CSMD1: variants seen among roughly 807,000 people sequenced by gnomAD.
CSMD1 encodes CUB and Sushi multiple domains 1.
A neutral mutation model predicts 417.5 loss-of-function variants in CSMD1; 213 were observed. The ratio of observed to expected loss-of-function variants is 0.51; its 90% CI spans 0.46 to 0.57. The LOEUF is 0.57. CSMD1 is among the 20% of genes least tolerant of loss of function. The probability of loss-of-function intolerance (pLI) is 0.00; values close to 1 mark genes in which losing one functional copy is unlikely to be tolerated. For synonymous variants in CSMD1, 2,862 were observed against 1,736.8 expected, an observed-to-expected ratio of 1.65 and a Z score of -16.11; for missense variants, 6,923 against 4,529.7, an observed-to-expected ratio of 1.53 and a Z score of -15.17.
At chr8:4,780,977 CTCAA>C (rs1306981022) in intron 1 of CSMD1, among the ~76,000 whole-genome samples, 1 of 152,192 alleles carries the variant, frequency 6.6e-6, no homozygotes, top group African/African-American at 2.4e-5. Flanking sequence ...GTCACTATCT[CTCAA>C]TCAAAGGTCA....
intron 1 of CSMD1, among the ~76,000 whole-genome samples, chr8:4,776,645 G>T (rs1290849119): frequency 6.6e-6 from 1 of 152,150 alleles, no homozygotes; most frequent in Non-Finnish European, 1.5e-5. Flanking sequence ...AAATAGGGGG[G>T]TTGTGAACTG....
At chr8:4,167,230 G>C (rs1241449699) in intron 3 of CSMD1, among the ~76,000 whole-genome samples, 1 of 152,062 alleles carries the variant, frequency 6.6e-6, no homozygotes, top group Non-Finnish European at 1.5e-5. Flanking sequence ...CTGATTTTAG[G>C]GAAGGAGTGT....
intron 3 of CSMD1, among the ~76,000 whole-genome samples, chr8:4,080,031 G>A (rs768990820): frequency 6.6e-6 from 1 of 151,570 alleles, no homozygotes; most frequent in Non-Finnish European, 1.5e-5. Context: ...ATATCAAAAG[G>A]GTGGTGAGTG....
chr8:3,041,286 GC>G (rs1378651195), intron 50 of CSMD1, among the ~76,000 whole-genome samples: 1 of 152,034 alleles, frequency 6.6e-6, no homozygotes, highest in East Asian at 1.9e-4. Flanking sequence ...CCCGTAAAAT[GC>G]ATTTTTTCTT....
intron 1 of CSMD1, among the ~76,000 whole-genome samples, chr8:4,829,227 A>T (rs909100239): frequency 6.6e-6 from 1 of 152,160 alleles, no homozygotes; most frequent in Non-Finnish European, 1.5e-5. Context: ...TTTAGATGAG[A>T]ATTTTAAAAC....
chr8:4,562,595 T>C (rs978532743), intron 2 of CSMD1, among the ~76,000 whole-genome samples: 5 of 151,980 alleles, frequency 3.3e-5, no homozygotes, highest in African/African-American at 7.3e-5. Flanking sequence ...TGAAATAATA[T>C]CTTTAAAAAT....
At chr8:3,076,152 A>C (rs1813664721) in intron 49 of CSMD1, among the ~76,000 whole-genome samples, 1 of 152,236 alleles carries the variant, frequency 6.6e-6, no homozygotes, top group Admixed American at 6.5e-5. Flanking sequence ...CCACAGAACA[A>C]CAGAAATGGA....
chr8:3,183,997 A>G (rs1821595847), intron 36 of CSMD1, among the ~76,000 whole-genome samples: 1 of 152,196 alleles, frequency 6.6e-6, no homozygotes, highest in African/African-American at 2.4e-5. Context: ...ACAAATGTAT[A>G]TATGATGAGA....
At chr8:3,241,136 G>A (rs1479268585) in intron 26 of CSMD1, among the ~76,000 whole-genome samples, 2 of 151,724 alleles carry the variant, frequency 1.3e-5, no homozygotes, top group African/African-American at 2.4e-5. Flanking sequence ...AGATGTAGCT[G>A]TAGTCCAGGA....
At chr8:3,141,726 C>T (rs1305603019) in intron 41 of CSMD1, among the ~76,000 whole-genome samples, 2 of 152,072 alleles carry the variant, frequency 1.3e-5, no homozygotes, top group Non-Finnish European at 2.9e-5. Context: ...AACTCACTTC[C>T]GCCCCCTGTG....
chr8:4,553,491 A>T (rs1797958306), intron 2 of CSMD1, among the ~76,000 whole-genome samples: 2 of 151,650 alleles, frequency 1.3e-5, no homozygotes, highest in Admixed American at 6.6e-5. Context: ...ATTCAAAAAT[A>T]AAGGAGGGAG....
Position 4,710,464 on chromosome 8 carries a change from T to TTATATATATATA in CSMD1, c.86-72918_86-72907dup, listed in dbSNP as rs10660998. Among the ~76,000 whole-genome samples, 212 of 144,826 alleles carry TTATATATATATA rather than the reference T, an allele frequency of 1.5e-3. 2 individuals are homozygous for TTATATATATATA. Among genetic ancestry groups the TTATATATATATA allele is most frequent in the African/African-American group, 5.1e-3 (205 of 39,958 alleles). On this transcript the variant is annotated intron_variant, in intron 1 of 69. Coordinates refer to ENST00000635120, the MANE Select transcript of CSMD1 (RefSeq NM_033225.6). The stretch of plus-strand genomic sequence containing the variant: ...TTATATATTGATATATAATGGAATA[T>TTATATATATATA]TATATATATATATATATGTATCTCT...
intron 6 of CSMD1, among the ~76,000 whole-genome samples, chr8:3,731,461 T>G (rs1796253962): frequency 6.6e-6 from 1 of 152,202 alleles, no homozygotes; most frequent in South Asian, 2.1e-4. Flanking sequence ...TTTTAACCCC[T>G]TCAATTCAAT....
At chr8:4,490,852 T>C (rs928407995) in intron 2 of CSMD1, among the ~76,000 whole-genome samples, 1 of 152,220 alleles carries the variant, frequency 6.6e-6, no homozygotes, top group African/African-American at 2.4e-5. Flanking sequence ...CTCTTGCTTA[T>C]AGTGTTACAG....
chr8:4,189,817 G>A (rs754748373), intron 3 of CSMD1, among the ~76,000 whole-genome samples: 18 of 152,134 alleles, frequency 1.2e-4, no homozygotes, highest in Non-Finnish European at 2.2e-4. Context: ...TTAAGGTAAA[G>A]TGGATTCAAA....
intron 5 of CSMD1, among the ~76,000 whole-genome samples, chr8:3,761,919 T>C (rs1161032173): frequency 1.3e-5 from 2 of 152,110 alleles, no homozygotes; most frequent in Non-Finnish European, 2.9e-5. Flanking sequence ...GGCTCTCTTT[T>C]TTCTGGGAGC....
intron 3 of CSMD1, among the ~76,000 whole-genome samples, chr8:4,383,954 A>G (rs1006587115): frequency 1.3e-5 from 2 of 152,346 alleles, no homozygotes; most frequent in African/African-American, 2.4e-5. Context: ...TCTTTTATGG[A>G]AACAGCTCTC....
intron 25 of CSMD1, among the ~76,000 whole-genome samples, chr8:3,307,028 G>A (rs926667206): frequency 8.1e-6 from 1 of 124,144 alleles, no homozygotes; most frequent in Non-Finnish European, 1.9e-5. Context: ...AAGTTACTTT[G>A]GTATAATTGC....
intron 1 of CSMD1, among the ~76,000 whole-genome samples, chr8:4,741,906 T>A (rs1162936900): frequency 6.7e-6 from 1 of 148,514 alleles, no homozygotes; most frequent in Non-Finnish European, 1.5e-5. Flanking sequence ...TGATCACAGC[T>A]CACTGCAGCT....
Sources: gnomAD v4.1 joint callset for allele counts (sites outside exome capture counted in the v4.1 genomes callset) on GRCh38, gnomAD v4.1.1 for gene constraint, MANE v1.5 for transcripts, NCBI Gene and HGNC (gene_info 2026-07-23, HGNC 2026-07-21) for gene names.